ZNF385D: variants seen among roughly 807,000 people sequenced by gnomAD.
ZNF385D encodes zinc finger protein 659.
In ZNF385D, 15 loss-of-function variants were observed where a neutral mutation model predicts 35.8. The observed-to-expected ratio is 0.42, with a 90% CI of 0.28 to 0.64. The LOEUF (loss-of-function observed/expected upper bound fraction) is 0.64. Among genes scored for constraint, ZNF385D ranks in the 30% least tolerant of loss-of-function variants. The probability of loss-of-function intolerance (pLI) is 0.23; values close to 1 mark genes in which losing one functional copy is unlikely to be tolerated. For missense variants in ZNF385D, 474 were observed against 494.6 expected, an observed-to-expected ratio of 0.96 and a Z score of 0.39; for synonymous variants, 212 against 186.8, an observed-to-expected ratio of 1.13 and a Z score of -1.10.
chr3:21,602,026 C>T (rs2064307519), intron 2 of ZNF385D, among the ~76,000 whole-genome samples: 1 of 152,198 alleles, frequency 6.6e-6, no homozygotes, highest in Non-Finnish European at 1.5e-5. Flanking sequence ...GTGTAATTGA[C>T]TTACAGTTCC....
At chr3:21,864,813 A>G (rs1339454880) in intron 3 of ZNF385D, among the ~76,000 whole-genome samples, 1 of 151,976 alleles carries the variant, frequency 6.6e-6, no homozygotes, top group Non-Finnish European at 1.5e-5. Context: ...AAGCCTAAAA[A>G]TGTCCTTATA....
At chr3:21,792,536 C>A (rs969539579) in intron 3 of ZNF385D, among the ~76,000 whole-genome samples, 1 of 152,302 alleles carries the variant, frequency 6.6e-6, no homozygotes, top group South Asian at 2.1e-4. Flanking sequence ...TAGTTAGTAG[C>A]TGGCTCTTTA....
At chr3:21,564,828 A>G (rs2063084713) in intron 2 of ZNF385D, 144 bp from the exon 3 acceptor site, 2 of 418,792 alleles carry the variant, frequency 4.8e-6, no homozygotes, top group Non-Finnish European at 8.4e-6. Flanking sequence ...CTAAGAAACA[A>G]CATTTTTACT....
chr3:21,510,700 G>A (rs1469596692), intron 4 of ZNF385D, among the ~76,000 whole-genome samples, 161 bp downstream of exon 4: 3 of 152,112 alleles, frequency 2.0e-5, no homozygotes, highest in Admixed American at 6.5e-5. Context: ...ATCTTGCAGG[G>A]GTTTGGAAAA....
chr3:22,156,064 T>G (rs1705561811), intron 3 of ZNF385D, among the ~76,000 whole-genome samples: 1 of 152,064 alleles, frequency 6.6e-6, no homozygotes, highest in South Asian at 2.1e-4. Flanking sequence ...CTAACACATA[T>G]GTGACTTGTA....
chr3:22,144,404 T>C (rs1317014837), intron 3 of ZNF385D, among the ~76,000 whole-genome samples: 1 of 151,764 alleles, frequency 6.6e-6, no homozygotes, highest in African/African-American at 2.4e-5. Flanking sequence ...TGAAACCCCC[T>C]CTCTATTAAA....
At chr3:21,744,017 C>T (rs1217226815) in intron 1 of ZNF385D, among the ~76,000 whole-genome samples, 1 of 152,134 alleles carries the variant, frequency 6.6e-6, no homozygotes, top group African/African-American at 2.4e-5. Flanking sequence ...AAATAATCTT[C>T]CATTCATAAA....
At chr3:21,540,699 G>C (rs753972249) in intron 3 of ZNF385D, among the ~76,000 whole-genome samples, 90 of 152,090 alleles carry the variant, frequency 5.9e-4, no homozygotes, top group Non-Finnish European at 1.1e-3. Flanking sequence ...CACAGATTTC[G>C]TAAACAAGAA....
chr3:21,565,819 GAGAT>G (rs916498506), intron 2 of ZNF385D, among the ~76,000 whole-genome samples: 1 of 152,158 alleles, frequency 6.6e-6, no homozygotes, highest in African/African-American at 2.4e-5. Context: ...ATAATAGATT[GAGAT>G]AGATCAGAAA....
At chr3:21,564,716 G>C in intron 2 of ZNF385D, 32 bp from the exon 3 acceptor site, 1 of 1,373,636 alleles carries the variant, frequency 7.3e-7, no homozygotes, top group South Asian at 1.4e-5. Context: ...ACAACAAATA[G>C]AAATAAAGCT....
intron 3 of ZNF385D, among the ~76,000 whole-genome samples, chr3:21,850,877 C>T (rs966565606): frequency 2.0e-5 from 3 of 151,922 alleles, no homozygotes; most frequent in Non-Finnish European, 4.4e-5. Context: ...AAATTAATTG[C>T]CTGCCAAAAC....
chr3:21,837,190 C>G (rs1575748910), intron 3 of ZNF385D, among the ~76,000 whole-genome samples: 1 of 152,134 alleles, frequency 6.6e-6, no homozygotes, highest in Non-Finnish European at 1.5e-5. Flanking sequence ...CTTTCAGACT[C>G]TAATTCAGAG....
At chr3:21,917,791 T>C (rs924289115) in intron 3 of ZNF385D, among the ~76,000 whole-genome samples, 1 of 152,204 alleles carries the variant, frequency 6.6e-6, no homozygotes, top group Non-Finnish European at 1.5e-5. Flanking sequence ...AAGTGGAGTC[T>C]CTTGACTCAG....
rs562177955 is a variant in ZNF385D, at chr3:21,822,876, G to A, written c.326-157848C>T. Among the ~76,000 whole-genome samples, 99 of 152,018 alleles carry A rather than the reference G, an allele frequency of 6.5e-4. 1 individual carries two copies. Among genetic ancestry groups the A allele is most frequent in the African/African-American group, 2.3e-3 (96 of 41,492 alleles). ...TTATATAAAGATCAACAGCAAGCAA[G>A]TAATACTGCATAAAATTTTGTTCAG... On this transcript the variant is annotated intron_variant, in intron 3 of 5. Coordinates refer to the ZNF385D transcript ENST00000494108.
intron 3 of ZNF385D, among the ~76,000 whole-genome samples, chr3:21,858,556 T>G (rs1696865345): frequency 1.3e-5 from 2 of 151,010 alleles, no homozygotes; most frequent in Admixed American, 1.3e-4. Context: ...CTTTCCACCC[T>G]GTAAAGACAC....
At chr3:22,360,362 C>T (rs1289271007) in intron 2 of ZNF385D, among the ~76,000 whole-genome samples, 2 of 151,916 alleles carry the variant, frequency 1.3e-5, no homozygotes, top group Non-Finnish European at 2.9e-5. Context: ...TTTGTATGCA[C>T]ACATTATACT....
At chr3:21,997,892 T>G (rs1695581166) in intron 3 of ZNF385D, among the ~76,000 whole-genome samples, 1 of 151,112 alleles carries the variant, frequency 6.6e-6, no homozygotes. Context: ...TGTGTGTGTG[T>G]GTGTGTGTGT....
rs367592325 is a variant in ZNF385D, at chr3:22,064,568, A to G, written c.325+104249T>C. On this transcript the variant is annotated intron_variant, in intron 3 of 5. Coordinates refer to the ZNF385D transcript ENST00000494108. ...CTGTCATCAGATGAACAGATAAAGAAAATGGGGTACATATCCACAATGGAT... is the reference window on the plus strand; with the variant it reads ...CTGTCATCAGATGAACAGATAAAGAGAATGGGGTACATATCCACAATGGAT... 3.9e-4 allele frequency among the ~76,000 whole-genome samples: 60 copies of G among 152,356 alleles called. 1 individual carries two copies. In the East Asian group the frequency reaches 9.6e-3, roughly 24 times the overall value.
intron 5 of ZNF385D, among the ~76,000 whole-genome samples, chr3:21,426,176 A>G (rs1308469799): frequency 6.6e-6 from 1 of 152,212 alleles, no homozygotes; most frequent in Non-Finnish European, 1.5e-5. Flanking sequence ...AACAGAATAC[A>G]AACAAGCTTT....
Sources: gnomAD v4.1 joint callset for allele counts (sites outside exome capture counted in the v4.1 genomes callset) on GRCh38, gnomAD v4.1.1 for gene constraint, MANE v1.5 for transcripts, NCBI Gene and HGNC (gene_info 2026-07-23, HGNC 2026-07-21) for gene names.